Variants in RELA observed in about 807,000 individuals in gnomAD.
The protein encoded by RELA is RELA proto-oncogene, NF-kB subunit.
Under a neutral mutation model 56.7 loss-of-function variants are expected in RELA, and 14 were observed. The ratio of observed to expected loss-of-function variants is 0.25; its 90% CI spans 0.16 to 0.39. The LOEUF is 0.39. Among genes scored for constraint, RELA ranks in the 10% least tolerant of loss-of-function variants. The pLI, the probability that RELA is intolerant of heterozygous loss-of-function variation, is 1.00. For missense variants in RELA, 559 were observed against 736.4 expected, an observed-to-expected ratio of 0.76 and a Z score of 2.79; for synonymous variants, 315 against 289.7, an observed-to-expected ratio of 1.09 and a Z score of -0.89.
At chr11:65,662,676 TGCCCC>T in intron 1 of RELA, 145 bp downstream of exon 1, 1 of 526,782 alleles carries the variant, frequency 1.9e-6, no homozygotes, top group Non-Finnish European at 2.8e-6. Flanking sequence ...CCTCCCCGCC[TGCCCC>T]GCCCCGCGCC....
intron 1 of RELA, 153 bp downstream of exon 1, chr11:65,662,673 G>GCCTGC (rs968945573): frequency 3.3e-5 from 17 of 511,368 alleles, no homozygotes; most frequent in Non-Finnish European, 4.6e-5. Flanking sequence ...ACCCCTCCCC[G>GCCTGC]CCTGCCCCGC....
upstream of RELA, among the ~76,000 whole-genome samples, chr11:65,663,656 C>G (rs986296460): frequency 1.3e-5 from 2 of 152,204 alleles, no homozygotes; most frequent in East Asian, 3.8e-4. Flanking sequence ...AGCCTCGTCT[C>G]TGAAGCCTGG....
chr11:65,655,711 C>G lies in RELA; in HGVS notation c.1010G>C (p.Ser337Thr). ...ACCTGGCTTGGGGACAGAAGCTGAG[C>G]TGCGGGAAGGCACAGCAATGCGTCG... The part of the protein sequence containing the change: ...PPRRIAVPSR[S>T]SASVPKPAPQ... The change falls in exon 10 of 11, where the codon AGC (serine) becomes ACC (threonine). Residue 337 changes from serine (S) to threonine (T), a missense_variant. Coordinates refer to ENST00000406246, the MANE Select transcript of RELA (RefSeq NM_021975.4). The G allele has an allele frequency of 6.2e-7, 1 of 1,614,050 alleles. No homozygotes were observed. Among genetic ancestry groups the G allele is most frequent in the Non-Finnish European group, 8.5e-7 (1 of 1,179,978 alleles).
At position 65,662,886 on chromosome 11, in the gene RELA, T is replaced by A; in HGVS notation, c.-54A>T. ...TCGCAGCTGGGCCCGCGGCGTGCAC[T>A]ACAGACGAGCCATTCGCCAGAGGCG... On this transcript the variant is annotated 5_prime_UTR_variant, in exon 1 of 11. An upstream open reading frame in the 5' UTR loses its in-frame stop. Transcript: ENST00000406246. 1 of 1,177,924 alleles carries A rather than the reference T, an allele frequency of 8.5e-7. No individual in the cohort carries two copies. The highest frequency in any genetic ancestry group is 4.2e-5 in the South Asian group (1 of 23,848). 73.0% of individuals were successfully genotyped at this position (1,177,924 alleles called of 1,614,324 possible).
Position 65,658,557 on chromosome 11 carries a change from C to G in RELA, c.665-58G>C, listed in dbSNP as rs1341120995. On this transcript the variant is annotated intron_variant, in intron 7 of 10. Coordinates refer to ENST00000406246, the MANE Select transcript of RELA (RefSeq NM_021975.4). The surrounding 1 kb of genome is among the most constrained non-coding windows in gnomAD (Gnocchi z 4.5). ...GTGTCTAACCCTCCATGGTCTCCCC[C>G]TCAACTTCTGATGCTTGTCTTCTGA... 47 of 1,472,798 alleles carry G rather than the reference C, an allele frequency of 3.2e-5. No individual in the cohort carries two copies. Among genetic ancestry groups the G allele is most frequent in the Non-Finnish European group, 1.8e-5 (19 of 1,067,856 alleles). The allele number at this position is 1,472,798 out of a possible 1,614,324, so 91.2% of individuals were successfully genotyped here. A position where few individuals can be genotyped will look rare whatever the true frequency, so the allele number is the denominator to read the frequency against.
chr11:65,659,245 A>G (rs921061165), intron 6 of RELA, among the ~76,000 whole-genome samples: 3 of 152,024 alleles, frequency 2.0e-5, no homozygotes, highest in Admixed American at 6.6e-5. Flanking sequence ...TTTTATTTCC[A>G]TTCATCCTGC....
chr11:65,658,664 T>C lies in RELA; in HGVS notation c.664+54A>G. 6.5e-7 allele frequency: 1 copy of C among 1,537,184 alleles called. No individual in the cohort carries two copies. The highest frequency in any genetic ancestry group is 9.0e-7 in the Non-Finnish European group (1 of 1,111,180). On this transcript the variant is annotated intron_variant, in intron 7 of 10. Transcript: ENST00000406246. The surrounding 1 kb of genome is among the most constrained non-coding windows in gnomAD (Gnocchi z 4.5). ...CCAGTTACCTGACACTCCACTTCTC[T>C]GCTCAGCTTCACCCCTTGCTCCCAA...
In RELA at chr11:65,656,012, G is replaced by A. The variant is rs757429799; in HGVS notation, c.878-77C>T. The A allele has an allele frequency of 2.4e-6, 3 of 1,249,948 alleles. No homozygotes were observed. The Admixed American group carries it at 5.1e-5, about 21-fold the overall frequency. The allele number at this position is 1,249,948 out of a possible 1,614,324, so 77.4% of individuals were successfully genotyped here. On this transcript the variant is annotated intron_variant, in intron 8 of 10. Transcript: ENST00000406246. ...GACGCTCTCAAAGGTCCCTCAGGAG[G>A]AAGGGGAGGAGCCAGGCTTTCCCAA...
chr11:65,656,565 C>G (rs1415887244), intron 8 of RELA, among the ~76,000 whole-genome samples: 1 of 152,186 alleles, frequency 6.6e-6, no homozygotes, highest in African/African-American at 2.4e-5. Flanking sequence ...CTTCTTTTCT[C>G]TCACTCCCCG....
chr11:65,655,931 A>G lies in RELA; in HGVS notation c.882T>C (p.Asp294=). 5 of 1,613,926 alleles carry G rather than the reference A, an allele frequency of 3.1e-6. No individual in the cohort carries two copies. The highest frequency in any genetic ancestry group is 4.2e-6 in the Non-Finnish European group (5 of 1,179,972). The change falls in exon 9 of 11, where the codon GAT becomes GAC. Residue 294 remains aspartate (D), a synonymous_variant. Transcript: ENST00000406246. ...MEFQYLPDTD[D]RHRIEEKRKR... Reference sequence around the variant, plus strand: ...TACGTTTCTCCTCAATCCGGTGACGATCGTCTGGGAAAGTAAGGGGGAGAA... The same window carrying G: ...TACGTTTCTCCTCAATCCGGTGACGGTCGTCTGGGAAAGTAAGGGGGAGAA...
rs1171374836 is a variant in RELA, at chr11:65,654,937, A to G, written c.1097T>C (p.Met366Thr). The stretch of plus-strand genomic sequence containing the variant: ...GCTGATCTGCCCAGAAGGAAACACC[A>G]TGGTGGGAAACTCATCATAGTTGAT... The part of the protein sequence containing the change: ...STINYDEFPT[M>T]VFPSGQISQA... The change falls in exon 11 of 11, where the codon ATG becomes ACG. Residue 366 changes from methionine to threonine, a missense_variant. Physicochemically the swap from Met to Thr is moderately conservative, Grantham distance 81. This residue lies in a region of RELA where 365 missense variants were observed against 387.5 expected (regional missense o/e 0.94). Transcript: ENST00000406246. 3 of 1,603,448 alleles carry G rather than the reference A, an allele frequency of 1.9e-6. No individual in the cohort carries two copies. Among genetic ancestry groups the G allele is most frequent in the Middle Eastern group, 1.7e-4 (1 of 6,056 alleles).
At position 65,654,385 on chromosome 11, in the gene RELA, C is replaced by G. The variant is rs759788260; in HGVS notation, c.1649G>C (p.Ser550Thr). Reference sequence around the variant, plus strand: ...AGGGCAGGCGTCACCCCCTTAGGAGCTGATCTGACTCAGCAGGGCTGAGAA... The same window carrying G: ...AGGGCAGGCGTCACCCCCTTAGGAGGTGATCTGACTCAGCAGGGCTGAGAA... ...MDFSALLSQI[S>T]S The change falls in exon 11 of 11, where the codon AGC becomes ACC. Residue 550 changes from serine to threonine, a missense_variant. Coordinates refer to ENST00000406246, the MANE Select transcript of RELA (RefSeq NM_021975.4). 2 of 1,613,308 alleles carry G rather than the reference C, an allele frequency of 1.2e-6. No individual in the cohort carries two copies. The highest frequency in any genetic ancestry group is 2.2e-5 in the South Asian group (2 of 90,926).
intron 6 of RELA, 101 bp downstream of exon 6, chr11:65,659,565 G>C (rs1048330917): frequency 2.1e-6 from 3 of 1,430,436 alleles, no homozygotes; most frequent in Non-Finnish European, 1.9e-6. Context: ...CAAGATGATT[G>C]AATGAAGCCA....
Position 65,658,190 on chromosome 11 carries a change from C to A in RELA, c.877+97G>T. The A allele has an allele frequency of 1.1e-6, 1 of 888,970 alleles. No individual in the cohort carries two copies. The highest frequency in any genetic ancestry group is 1.7e-5 in the African/African-American group (1 of 59,092). The allele number at this position is 888,970 out of a possible 1,614,324, so 55.1% of individuals were successfully genotyped here. A position where few individuals can be genotyped will look rare whatever the true frequency, so the allele number is the denominator to read the frequency against. Reference sequence around the variant, plus strand: ...CTTGGATCCCAAGCTCTGACTCCAGCTTCTGGCCCTCAACCACAGCCCCAG... The same window carrying A: ...CTTGGATCCCAAGCTCTGACTCCAGATTCTGGCCCTCAACCACAGCCCCAG... On this transcript the variant is annotated intron_variant, in intron 8 of 10. Coordinates refer to ENST00000406246, the MANE Select transcript of RELA (RefSeq NM_021975.4). The surrounding 1 kb of genome is among the most constrained non-coding windows in gnomAD (Gnocchi z 4.5).
chr11:65,654,248 T>C lies in RELA; in HGVS notation c.*130A>G, dbSNP rs1590930460. The C allele has an allele frequency of 9.1e-7, 1 of 1,095,138 alleles. No individual in the cohort carries two copies. Among genetic ancestry groups the C allele is most frequent in the Non-Finnish European group, 1.4e-6 (1 of 727,990 alleles). The allele number at this position is 1,095,138 out of a possible 1,614,324, so 67.8% of individuals were successfully genotyped here. A position where few individuals can be genotyped will look rare whatever the true frequency, so the allele number is the denominator to read the frequency against. On this transcript the variant is annotated 3_prime_UTR_variant, in exon 11 of 11. Transcript: ENST00000406246. ...TGACAATAAAAGAATAAAATATGGCTCCCCCCTCCAAGGAAGACATCCACA... is the reference window on the plus strand; with the variant it reads ...TGACAATAAAAGAATAAAATATGGCCCCCCCCTCCAAGGAAGACATCCACA...
Position 65,658,892 on chromosome 11 carries a change from C to A in RELA, c.560-70G>T, listed in dbSNP as rs1856495161. ...TCCCCAGGGTGGCCTGCAGGAGATG[C>A]AACTTCCCTGCCCAGCCCAGAGTCA... On this transcript the variant is annotated intron_variant, in intron 6 of 10. Coordinates refer to ENST00000406246, the MANE Select transcript of RELA (RefSeq NM_021975.4). The surrounding 1 kb of genome is among the most constrained non-coding windows in gnomAD (Gnocchi z 4.5). 7.9e-7 allele frequency: 1 copy of A among 1,260,196 alleles called. No homozygotes were observed. Among genetic ancestry groups the A allele is most frequent in the African/African-American group, 1.5e-5 (1 of 68,156 alleles). The allele number at this position is 1,260,196 out of a possible 1,614,324, so 78.1% of individuals were successfully genotyped here.
upstream of RELA, chr11:65,662,982 C>T: frequency 1.9e-6 from 1 of 527,550 alleles, no homozygotes; most frequent in Non-Finnish European, 2.7e-6. Flanking sequence ...TGCCCCGCCG[C>T]CGCCCGGCGC....
intron 1 of RELA, chr11:65,662,477 A>T: frequency 2.1e-6 from 1 of 483,768 alleles, no homozygotes; most frequent in Non-Finnish European, 3.6e-6. Context: ...GAGGGAGGGC[A>T]CGCCCCACCT....
rs1288805006 is a variant in RELA, at chr11:65,653,611, AAC to A, written c.*765_*766del. On this transcript the variant is annotated 3_prime_UTR_variant, in exon 11 of 11. Coordinates refer to ENST00000406246, the MANE Select transcript of RELA (RefSeq NM_021975.4). ...AAAGCGGATCTCTAGCCAGCTTGGC[AAC>A]AGATTTATTAGTTCAGAGTAGAAAG... 1.3e-5 allele frequency: 2 copies of A among 152,344 alleles called. No homozygotes were observed. The highest frequency in any genetic ancestry group is 2.9e-5 in the Non-Finnish European group (2 of 68,076). 9.4% of individuals were successfully genotyped at this position (152,344 alleles called of 1,614,324 possible).
Sources: gnomAD v4.1 joint callset for allele counts (sites outside exome capture counted in the v4.1 genomes callset) on GRCh38, gnomAD v4.1.1 for gene constraint, gnomAD v4.1.1 regional missense constraint, Gnocchi (gnomAD v3.1) non-coding constraint, MANE v1.5 for transcripts, NCBI Gene and HGNC (gene_info 2026-07-23, HGNC 2026-07-21) for gene names.